ZNF827: variants seen among roughly 807,000 people sequenced by gnomAD.
The protein encoded by ZNF827 is zinc finger protein 827.
In ZNF827, 13 loss-of-function variants were observed where a neutral mutation model predicts 102.4. That is an observed-to-expected ratio of 0.13 (90% confidence interval 0.08 to 0.20). The LOEUF is 0.20. Ranked by LOEUF, ZNF827 falls within the 10% of genes least tolerant of loss-of-function variation. The pLI is 1.00. For synonymous variants in ZNF827, 523 were observed against 536.2 expected (o/e 0.98, Z 0.34); for missense variants, 1,103 against 1,344.4 (o/e 0.82, Z 2.81).
intron 4 of ZNF827, among the ~76,000 whole-genome samples, chr4:145,874,009 T>C (rs1748932363): frequency 6.6e-6 from 1 of 150,540 alleles, no homozygotes; most frequent in African/African-American, 2.4e-5. Flanking sequence ...AAGATGAAGC[T>C]AAGAAAGAGA....
At chr4:145,767,954 T>C (rs1256720700) in intron 11 of ZNF827, among the ~76,000 whole-genome samples, 3 of 152,208 alleles carry the variant, frequency 2.0e-5, no homozygotes, top group African/African-American at 7.2e-5. Flanking sequence ...AAATTCATAA[T>C]TTTTAAATTA....
chr4:145,864,173 C>T (rs1193166449), intron 5 of ZNF827, among the ~76,000 whole-genome samples: 1 of 151,818 alleles, frequency 6.6e-6, no homozygotes, highest in Non-Finnish European at 1.5e-5. Context: ...CTCTCTCATA[C>T]ACAACCTCCC....
At chr4:145,916,816 T>C (rs1752699664) in intron 1 of ZNF827, among the ~76,000 whole-genome samples, 1 of 152,200 alleles carries the variant, frequency 6.6e-6, no homozygotes, top group African/African-American at 2.4e-5. Flanking sequence ...CTTAGAAATT[T>C]CTCTCAAGAG....
At chr4:145,771,167 C>A (rs188650179) in intron 11 of ZNF827, 6 of 152,262 alleles carry the variant, frequency 3.9e-5, no homozygotes, top group East Asian at 3.9e-4. Context: ...AATATATTAA[C>A]CTTTTGTCAT....
rs1488940840 is a variant in ZNF827 at position 145,762,240 on chromosome 4, G to A, written c.*18-642C>T. Among the ~76,000 whole-genome samples, 1 of 152,118 alleles carries A rather than the reference G, an allele frequency of 6.6e-6. No individual in the cohort carries two copies. The highest frequency in any genetic ancestry group is 2.4e-5 in the African/African-American group (1 of 41,414). On this transcript the variant is annotated intron_variant, in intron 14 of 14. Coordinates refer to ENST00000508784, the MANE Select transcript of ZNF827 (RefSeq NM_001306215.2). This position sits in a 1 kb window ranked among gnomAD's most constrained non-coding sequence, Gnocchi z 4.9. Reference sequence around the variant, plus strand: ...ACTCGTAAAACATATCTCCCTACAGGACTAGCTCTTTGTCAGGAAAGGAAG... The same window carrying A: ...ACTCGTAAAACATATCTCCCTACAGAACTAGCTCTTTGTCAGGAAAGGAAG...
chr4:145,927,774 T>G (rs556365707), intron 1 of ZNF827, among the ~76,000 whole-genome samples: 9 of 152,332 alleles, frequency 5.9e-5, no homozygotes, highest in African/African-American at 1.9e-4. Context: ...TGGGTCTGTG[T>G]CCACTTCTGT....
chr4:145,812,972 A>T (rs1205676037), intron 8 of ZNF827, among the ~76,000 whole-genome samples: 1 of 152,188 alleles, frequency 6.6e-6, no homozygotes, highest in Non-Finnish European at 1.5e-5. Context: ...AACATTTCAT[A>T]AGTTAAAAAA....
At chr4:145,831,544 T>C (rs974280933) in intron 7 of ZNF827, 4 of 152,256 alleles carry the variant, frequency 2.6e-5, no homozygotes. Context: ...TCTTTAATTT[T>C]TGGAGGTGAC....
intron 1 of ZNF827, among the ~76,000 whole-genome samples, chr4:145,925,105 C>T (rs1753333948): frequency 6.6e-6 from 1 of 152,130 alleles, no homozygotes; most frequent in Non-Finnish European, 1.5e-5. Flanking sequence ...GGGAACTCCC[C>T]TTTATAAAAC....
At chr4:145,770,641 A>T (rs1032798165) in intron 11 of ZNF827, among the ~76,000 whole-genome samples, 2 of 152,106 alleles carry the variant, frequency 1.3e-5, no homozygotes, top group Admixed American at 6.5e-5. Context: ...TTCCCATGCT[A>T]TTTTAGATAT....
At chr4:145,846,527 ATCAC>A (rs368608743) in intron 6 of ZNF827, among the ~76,000 whole-genome samples, 33 of 144,116 alleles carry the variant, frequency 2.3e-4, no homozygotes, top group African/African-American at 8.8e-4. Flanking sequence ...AAAAACAACC[ATCAC>A]TCAGGCCAGG....
Position 145,938,501 on chromosome 4 carries a change from G to T in ZNF827, c.-94C>A. The stretch of plus-strand genomic sequence containing the variant: ...AGGCAGACACTGGCAGGAGCGGGGA[G>T]GTAGTTGGGGGGCGGGCGGGCGGGC... On this transcript the variant is annotated 5_prime_UTR_variant, in exon 1 of 15. Coordinates refer to ENST00000508784, the MANE Select transcript of ZNF827 (RefSeq NM_001306215.2). The T allele has an allele frequency of 2.4e-6, 2 of 836,880 alleles. No homozygotes were observed. Among genetic ancestry groups the T allele is most frequent in the Non-Finnish European group, 3.7e-6 (2 of 545,490 alleles). The allele number at this position is 836,880 out of a possible 1,614,324, so 51.8% of individuals were successfully genotyped here.
At position 145,902,178 on chromosome 4, in the gene ZNF827, GT is replaced by G; in HGVS notation, c.1080del (p.Lys360AsnfsTer35). On this transcript the variant is annotated frameshift_variant, in exon 2 of 15. Coordinates refer to ENST00000508784, the MANE Select transcript of ZNF827 (RefSeq NM_001306215.2). LOFTEE classifies it high-confidence loss of function. This position sits in a 1 kb window ranked among gnomAD's most constrained non-coding sequence, Gnocchi z 4.3. The stretch of plus-strand genomic sequence containing the variant: ...AAAGATGCCATACCTGAATTGGAGG[GT>G]TTAGAAACTCTTCCCTTAGGAACTG... ...LLPVPKGRVSKPSNSASEEES... is the reference protein window; with the variant it reads ...LLPVPKGRVSXPSNSASEEES... The G allele has an allele frequency of 6.4e-7, 1 of 1,566,634 alleles. No homozygotes were observed. The highest frequency in any genetic ancestry group is 8.7e-7 in the Non-Finnish European group (1 of 1,154,784).
chr4:145,822,297 C>T (rs887552794), intron 8 of ZNF827, among the ~76,000 whole-genome samples: 8 of 152,148 alleles, frequency 5.3e-5, no homozygotes, highest in Admixed American at 4.6e-4. Flanking sequence ...TGGAACTACC[C>T]TTATGAGACT....
At chr4:145,795,805 C>T (rs1207468511) in intron 8 of ZNF827, among the ~76,000 whole-genome samples, 1 of 152,202 alleles carries the variant, frequency 6.6e-6, no homozygotes, top group African/African-American at 2.4e-5. Context: ...AAAATCTTTG[C>T]TGTATCTGCC....
At chr4:145,884,761 G>A (rs752872218) in intron 4 of ZNF827, among the ~76,000 whole-genome samples, 8 of 152,120 alleles carry the variant, frequency 5.3e-5, no homozygotes, top group Non-Finnish European at 1.0e-4. Context: ...CAATTTGATG[G>A]TGATAGAAAG....
At chr4:145,801,282 G>C (rs1007165017) in intron 8 of ZNF827, among the ~76,000 whole-genome samples, 2 of 152,158 alleles carry the variant, frequency 1.3e-5, no homozygotes, top group Non-Finnish European at 2.9e-5. Flanking sequence ...GTTAGCAGTT[G>C]TATGTTGCTA....
intron 7 of ZNF827, among the ~76,000 whole-genome samples, chr4:145,834,794 G>A (rs892340461): frequency 2.2e-4 from 34 of 152,052 alleles, no homozygotes; most frequent in Admixed American, 7.2e-4. Context: ...ATCTGCTACC[G>A]ACATTAAATA....
Position 145,885,760 on chromosome 4 carries a change from C to T in ZNF827, c.1665G>A (p.Glu555=). 1.2e-6 allele frequency: 2 copies of T among 1,604,296 alleles called. No homozygotes were observed. Among genetic ancestry groups the T allele is most frequent in the Non-Finnish European group, 1.7e-6 (2 of 1,175,066 alleles). The change falls in exon 4 of 15, where the codon GAG becomes GAA. Residue 555 remains glutamate (E), a synonymous_variant. Transcript: ENST00000508784. Reference sequence around the variant, plus strand: ...ATGCTGACGCACTGTTGGCCACATACTCGGAGGGGTCTTTCAGCTTTGTGT... The same window carrying T: ...ATGCTGACGCACTGTTGGCCACATATTCGGAGGGGTCTTTCAGCTTTGTGT... ...ANHTKLKDPS[E]YVANSASALF... is the part of the protein sequence containing the mutation.
Sources: gnomAD v4.1 joint callset for allele counts (sites outside exome capture counted in the v4.1 genomes callset) on GRCh38, gnomAD v4.1.1 for gene constraint, Gnocchi (gnomAD v3.1) non-coding constraint, MANE v1.5 for transcripts, NCBI Gene and HGNC (gene_info 2026-07-23, HGNC 2026-07-21) for gene names.